ZFP1: variants seen among roughly 807,000 people sequenced by gnomAD.
ZFP1 encodes ZFP1 zinc finger protein, also known as zinc finger protein 1 homolog.
Under a neutral mutation model 38.5 loss-of-function variants are expected in ZFP1, and 32 were observed. That is an observed-to-expected ratio of 0.83 (90% confidence interval 0.63 to 1.12). ZFP1 has a LOEUF of 1.12. ZFP1 is among the 50% of genes most tolerant of loss of function. ZFP1 has a pLI of 0.00. For synonymous variants in ZFP1, 245 were observed against 168.8 expected (o/e 1.45, Z -3.50); for missense variants, 616 against 480.8 (o/e 1.28, Z -2.63).
intron 2 of ZFP1, among the ~76,000 whole-genome samples, chr16:75,163,151 C>G (rs983260560): frequency 6.6e-6 from 1 of 152,054 alleles, no homozygotes; most frequent in Non-Finnish European, 1.5e-5. Flanking sequence ...TCGTGATCCA[C>G]CTGCCTCGGC....
At chr16:75,127,807 G>C in the ZFP1 span, 1 of 152,174 alleles carries the variant, frequency 6.6e-6, no homozygotes, top group South Asian at 2.1e-4. Context: ...TTAAAACATT[G>C]CTGATCTTTG....
chr16:75,169,658 C>T lies in ZFP1; in HGVS notation c.548C>T (p.Pro183Leu). Residue 183 changes from proline to leucine, a missense_variant, in exon 4 of 4, where the codon CCT becomes CTT. By Grantham distance (98) the Pro-to-Leu change is moderately conservative. Coordinates refer to ENST00000570010, the MANE Select transcript of ZFP1 (RefSeq NM_153688.4). ...CAGAAAATAAAAAACTTGGTTCAAC[C>T]TTTCATTTGTACTTACTGTGACAAG... ...KHQKIKNLVQ[P>L]FICTYCDKAF... 6.2e-7 allele frequency: 1 copy of T among 1,601,802 alleles called. No individual in the cohort carries two copies. The highest frequency in any genetic ancestry group is 1.1e-5 in the South Asian group (1 of 88,782).
chr16:75,129,955 T>G, the ZFP1 span, among the ~76,000 whole-genome samples: 14 of 152,298 alleles, frequency 9.2e-5, no homozygotes, highest in South Asian at 2.1e-4. Context: ...GAGGGCAACT[T>G]GAAAGACAAG....
At chr16:75,144,066 ACACTTTCTCT>A (rs2036917278), upstream of ZFP1, 1 of 152,192 alleles carries the variant, frequency 6.6e-6, no homozygotes, top group Non-Finnish European at 1.5e-5. Context: ...AACACCCGCT[ACACTTTCTCT>A]TTATTTTTCA....
the ZFP1 span, among the ~76,000 whole-genome samples, chr16:75,128,225 C>G: frequency 2.0e-5 from 3 of 152,178 alleles, no homozygotes; most frequent in Admixed American, 6.5e-5. Flanking sequence ...AGGAGCCCCA[C>G]GTTTATCTTG....
chr16:75,154,211 G>A (rs948948118), intron 2 of ZFP1, among the ~76,000 whole-genome samples: 1 of 111,644 alleles, frequency 9.0e-6, no homozygotes, highest in Non-Finnish European at 2.0e-5. Flanking sequence ...GCAACAGAGC[G>A]AGACTTTGTC....
In ZFP1 at chr16:75,171,563, T is replaced by C. The variant is rs888045325; in HGVS notation, c.*1229T>C. 2 of 152,244 alleles carry C rather than the reference T, an allele frequency of 1.3e-5. No homozygotes were observed. Among genetic ancestry groups the C allele is most frequent in the African/African-American group, 4.8e-5 (2 of 41,464 alleles). The allele number at this position is 152,244 out of a possible 1,614,324, so 9.4% of individuals were successfully genotyped here. A position where few individuals can be genotyped will look rare whatever the true frequency, so the allele number is the denominator to read the frequency against. On this transcript the variant is annotated 3_prime_UTR_variant, in exon 4 of 4. Transcript: ENST00000570010. ...GATTTTTCAGTGGTCTCTCCAGATA[T>C]TAACAAGAATTGTTGTGTAACTCAA... is the stretch of plus-strand genomic sequence containing the variant.
rs942162865 is a variant in ZFP1 at position 75,172,179 on chromosome 16, G to A, written c.*1845G>A. ...CAAATGAGGAAAGCAAGAGGGGAGA[G>A]AGAGAGTGTATGTGTGTGTGTAGCA... On this transcript the variant is annotated 3_prime_UTR_variant, in exon 4 of 4. Coordinates refer to ENST00000570010, the MANE Select transcript of ZFP1 (RefSeq NM_153688.4). The A allele has an allele frequency of 6.6e-6, 1 of 152,212 alleles. No individual in the cohort carries two copies. The highest frequency in any genetic ancestry group is 2.4e-5 in the African/African-American group (1 of 41,444). 9.4% of individuals were successfully genotyped at this position (152,212 alleles called of 1,614,324 possible).
chr16:75,128,532 T>C, the ZFP1 span, among the ~76,000 whole-genome samples: 11 of 152,218 alleles, frequency 7.2e-5, no homozygotes, highest in African/African-American at 2.7e-4. Flanking sequence ...ATTGTTAGAT[T>C]CTAGTCTTGT....
chr16:75,170,112 C>G lies in ZFP1; in HGVS notation c.1002C>G (p.Ile334Met). The G allele has an allele frequency of 6.2e-7, 1 of 1,613,948 alleles. No homozygotes were observed. Residue 334 changes from isoleucine (I) to methionine (M), a missense_variant, in exon 4 of 4, where the codon ATC (isoleucine) becomes ATG (methionine). By Grantham distance (10) the Ile-to-Met change is conservative (BLOSUM62 1). Transcript: ENST00000570010. ...YECSECGKSF[I>M]QNSQLIIHMR... ...GCAGTGAATGTGGAAAATCCTTTAT[C>G]CAGAACTCACAGCTCATCATACACA...
At chr16:75,163,487 T>C (rs1352142523) in intron 2 of ZFP1, among the ~76,000 whole-genome samples, 2 of 152,070 alleles carry the variant, frequency 1.3e-5, no homozygotes, top group East Asian at 3.9e-4. Flanking sequence ...AATTTTTGTA[T>C]TTTTAGTAGA....
chr16:75,123,829 C>G, the ZFP1 span, among the ~76,000 whole-genome samples: 1 of 151,444 alleles, frequency 6.6e-6, no homozygotes, highest in African/African-American at 2.4e-5. Flanking sequence ...TGGTGGCTCA[C>G]ACCTGTAATC....
At chr16:75,154,365 C>G (rs1183534985) in intron 2 of ZFP1, among the ~76,000 whole-genome samples, 2 of 152,122 alleles carry the variant, frequency 1.3e-5, no homozygotes, top group Non-Finnish European at 2.9e-5. Context: ...AACTTAGTGG[C>G]TTCTAAGTTT....
the ZFP1 span, among the ~76,000 whole-genome samples, chr16:75,122,131 G>A: frequency 1.3e-5 from 2 of 152,192 alleles, no homozygotes; most frequent in South Asian, 4.1e-4. Flanking sequence ...CTGCAGAAAA[G>A]GTGCCCCTCG....
intron 2 of ZFP1, among the ~76,000 whole-genome samples, chr16:75,165,996 G>A (rs969166011): frequency 3.3e-5 from 5 of 152,036 alleles, no homozygotes; most frequent in African/African-American, 1.2e-4. Context: ...ATTCAACCAT[G>A]TATTTTTTAA....
intron 3 of ZFP1, among the ~76,000 whole-genome samples, chr16:75,167,125 A>G (rs528976525): frequency 3.0e-4 from 46 of 152,358 alleles, no homozygotes; most frequent in Non-Finnish European, 4.7e-4. Context: ...CTGTCAAGCC[A>G]TATGCAATTT....
chr16:75,138,809 G>T, the ZFP1 span, among the ~76,000 whole-genome samples: 1 of 152,180 alleles, frequency 6.6e-6, no homozygotes, highest in Non-Finnish European at 1.5e-5. Context: ...GGACCTTGCC[G>T]ACACCTTGCC....
the ZFP1 span, among the ~76,000 whole-genome samples, chr16:75,143,252 T>C: frequency 6.6e-6 from 1 of 152,152 alleles, no homozygotes. Context: ...GTTTTGTTTT[T>C]GTTTTTGAGA....
chr16:75,156,978 C>T (rs558738225), intron 2 of ZFP1, among the ~76,000 whole-genome samples: 6 of 152,288 alleles, frequency 3.9e-5, no homozygotes, highest in African/African-American at 1.2e-4. Context: ...GATGACAACC[C>T]TCAGAATGCC....
Sources: allele counts gnomAD v4.1 joint callset (sites outside exome capture counted in the v4.1 genomes callset), GRCh38; gene constraint gnomAD v4.1.1; transcripts MANE v1.5; gene names NCBI Gene and HGNC (gene_info 2026-07-23, HGNC 2026-07-21).